The following LRRC7 variants were observed in gnomAD, a reference collection of about 807,000 sequenced individuals.
LRRC7 encodes the protein leucine rich repeat containing 7, also known as leucine-rich repeat-containing protein 7.
Under a neutral mutation model 175.7 loss-of-function variants are expected in LRRC7, and 23 were observed. The observed-to-expected ratio is 0.13, with a 90% CI of 0.09 to 0.19. The LOEUF is 0.19. Ranked by LOEUF, LRRC7 falls within the 10% of genes least tolerant of loss-of-function variation. The pLI is 1.00. For missense variants in LRRC7, 1,354 were observed against 1,904.7 expected, an observed-to-expected ratio of 0.71 and a Z score of 5.38; for synonymous variants, 685 against 680.9, an observed-to-expected ratio of 1.01 and a Z score of -0.09.
intron 7 of LRRC7, among the ~76,000 whole-genome samples, chr1:69,847,529 G>A (rs542691865): frequency 8.6e-5 from 13 of 152,000 alleles, no homozygotes; most frequent in South Asian, 4.2e-4. Context: ...ACCCACCACC[G>A]CATAACAAAA....
intron 25 of LRRC7, among the ~76,000 whole-genome samples, chr1:70,095,465 G>A (rs1664318801): frequency 6.6e-6 from 1 of 152,004 alleles, no homozygotes; most frequent in South Asian, 2.1e-4. Context: ...TCTTAATGTT[G>A]GAGTAAAAAG....
Position 69,650,539 on chromosome 1 carries a change from C to CAAAAAAAAAAAAAAAAAAAAAAAAA in LRRC7, c.3-27827_3-27826insAAAAAAAAAAAAAAAAAAAAAAAAA, listed in dbSNP as rs574357981. ...TGGGCGAAAAAGAGAGACTCCGTCT[C>CAAAAAAAAAAAAAAAAAAAAAAAAA]AAAAAAAAAAAAAAATGCCAAGCAT... On this transcript the variant is annotated intron_variant, in intron 1 of 26. Transcript: ENST00000651989. Among the ~76,000 whole-genome samples the CAAAAAAAAAAAAAAAAAAAAAAAAA allele has an allele frequency of 1.3e-3, 104 of 79,050 alleles. 1 individual carries two copies. The highest frequency in any genetic ancestry group is 2.7e-3 in the East Asian group (5 of 1,880). The allele number at this position is 79,050 out of a possible 152,430, so 51.9% of individuals were successfully genotyped here. A position where few individuals can be genotyped will look rare whatever the true frequency, so the allele number is the denominator to read the frequency against.
intron 10 of LRRC7, among the ~76,000 whole-genome samples, chr1:69,990,431 T>C (rs1197411893): frequency 6.6e-6 from 1 of 152,072 alleles, no homozygotes; most frequent in Non-Finnish European, 1.5e-5. Flanking sequence ...ATGAACTTAA[T>C]TTGGTAAATT....
rs1368660423 is a variant in LRRC7, at chr1:69,631,620, T to C, written c.3-46761T>C. ...CCGTAAAGCCCCATGAGAGCTTTTT[T>C]GGCAAGAGTTGCCAAAAAGTAAAGA... is the stretch of plus-strand genomic sequence containing the variant. On this transcript the variant is annotated intron_variant, in intron 1 of 26. Coordinates refer to ENST00000651989, the MANE Select transcript of LRRC7 (RefSeq NM_001370785.2). Among the ~76,000 whole-genome samples the C allele has an allele frequency of 2.0e-5, 3 of 152,138 alleles. No individual in the cohort carries two copies. The East Asian group carries it at 5.8e-4, about 29-fold the overall frequency.
chr1:69,655,160 A>G (rs908145651), intron 1 of LRRC7, among the ~76,000 whole-genome samples: 1 of 152,162 alleles, frequency 6.6e-6, no homozygotes, highest in Non-Finnish European at 1.5e-5. Context: ...ATGAAGTTAA[A>G]TAAAAGAGTT....
chr1:69,680,964 TTTAA>T (rs1209842600), intron 2 of LRRC7, among the ~76,000 whole-genome samples: 1 of 152,106 alleles, frequency 6.6e-6, no homozygotes, highest in African/African-American at 2.4e-5. Context: ...TGTCTCTTTC[TTTAA>T]TTGTTATTAT....
At chr1:69,989,603 CAG>C (rs1411994453) in intron 10 of LRRC7, among the ~76,000 whole-genome samples, 12 of 151,782 alleles carry the variant, frequency 7.9e-5, no homozygotes, top group Non-Finnish European at 1.0e-4. Context: ...TTAAGAGACA[CAG>C]AGAATAGAAT....
intron 22 of LRRC7, among the ~76,000 whole-genome samples, chr1:70,048,235 A>G (rs1323535166): frequency 1.3e-5 from 2 of 152,278 alleles, no homozygotes; most frequent in East Asian, 1.9e-4. Flanking sequence ...GGAGAATAAT[A>G]AAGACAAGGA....
chr1:70,018,576 G>A (rs1657162147), intron 14 of LRRC7, 143 bp from the exon 15 acceptor site: 1 of 514,786 alleles, frequency 1.9e-6, no homozygotes, highest in South Asian at 3.2e-5. Flanking sequence ...CTCAGTAATA[G>A]TATTATTTCA....
intron 1 of LRRC7, among the ~76,000 whole-genome samples, chr1:69,618,051 T>C (rs1270368292): frequency 1.3e-5 from 2 of 152,148 alleles, no homozygotes; most frequent in Non-Finnish European, 2.9e-5. Context: ...GGAAGATCCC[T>C]ACTACGGTGG....
intron 10 of LRRC7, 76 bp from the exon 11 acceptor site, chr1:69,994,485 C>T (rs1470317290): frequency 2.0e-6 from 2 of 1,003,806 alleles, no homozygotes; most frequent in Non-Finnish European, 3.1e-6. Flanking sequence ...ACAAGTGATT[C>T]ATGTGATTTC....
At chr1:70,018,629 C>G (rs1657167858) in intron 14 of LRRC7, 90 bp from the exon 15 acceptor site, 1 of 686,656 alleles carries the variant, frequency 1.5e-6, no homozygotes, top group South Asian at 3.1e-5. Flanking sequence ...CTTTTTCCCC[C>G]CAATGTTTAT....
chr1:69,850,075 G>GT (rs1226377609), intron 7 of LRRC7, among the ~76,000 whole-genome samples: 1 of 151,916 alleles, frequency 6.6e-6, no homozygotes, highest in Non-Finnish European at 1.5e-5. Flanking sequence ...GTGGGGGTTG[G>GT]TTTTTTTGTC....
intron 1 of LRRC7, among the ~76,000 whole-genome samples, chr1:69,618,423 C>T (rs542466413): frequency 6.6e-6 from 1 of 152,254 alleles, no homozygotes; most frequent in African/African-American, 2.4e-5. Context: ...AAAGTTCTTT[C>T]ATCTTCATTC....
chr1:70,018,788 A>G lies in LRRC7; in HGVS notation c.1390A>G (p.Met464Val), dbSNP rs755259670. 1.9e-6 allele frequency: 3 copies of G among 1,612,716 alleles called. No individual in the cohort carries two copies. Among genetic ancestry groups the G allele is most frequent in the Admixed American group, 1.7e-5 (1 of 59,982 alleles). Residue 464 changes from methionine (M) to valine (V), a missense_variant, in exon 15 of 27, where the codon ATG (methionine) becomes GTG (valine). Met to Val is a conservative substitution (Grantham distance 21, BLOSUM62 1). Around this residue, in one of 4 missense-constraint regions of LRRC7, gnomAD observed 201 missense variants for 481.4 expected, o/e 0.42. Transcript: ENST00000651989. ...AAAGCAAAGAGTATTGACTAACTAC[A>G]TGTTTCCCCAGCAGCCTCGTGGTGA... Reference protein sequence around the residue: ...ETKQRVLTNYMFPQQPRGDED... With the variant: ...ETKQRVLTNYVFPQQPRGDED...
At chr1:70,049,415 T>C (rs925186140) in intron 22 of LRRC7, among the ~76,000 whole-genome samples, 2 of 152,142 alleles carry the variant, frequency 1.3e-5, no homozygotes, top group Non-Finnish European at 2.9e-5. Flanking sequence ...GCTTATTTAA[T>C]GCAGTTTTTT....
chr1:69,765,725 T>A (rs1232003066), intron 3 of LRRC7, among the ~76,000 whole-genome samples: 15 of 152,102 alleles, frequency 9.9e-5, no homozygotes, highest in Non-Finnish European at 1.2e-4. Context: ...ACTGTCTTAA[T>A]CCTTCAAATA....
chr1:69,698,554 A>C (rs752915392), intron 2 of LRRC7, among the ~76,000 whole-genome samples: 2 of 152,206 alleles, frequency 1.3e-5, no homozygotes, highest in Non-Finnish European at 2.9e-5. Flanking sequence ...TCCTAGGAAT[A>C]TCCAGAAAAC....
At chr1:69,730,305 G>T (rs755012463) in intron 2 of LRRC7, among the ~76,000 whole-genome samples, 2 of 152,126 alleles carry the variant, frequency 1.3e-5, no homozygotes, top group Non-Finnish European at 2.9e-5. Flanking sequence ...CCAGAAAATG[G>T]GTTTTTCTTT....
Sources: allele counts gnomAD v4.1 joint callset (sites outside exome capture counted in the v4.1 genomes callset), GRCh38; gene constraint gnomAD v4.1.1; regional missense constraint gnomAD v4.1.1; transcripts MANE v1.5; gene names NCBI Gene and HGNC (gene_info 2026-07-23, HGNC 2026-07-21).